ADAMTS6: variants seen among roughly 807,000 people sequenced by gnomAD.
The protein encoded by ADAMTS6 is ADAM metallopeptidase with thrombospondin type 1 motif 6, also known as A disintegrin and metalloproteinase with thrombospondin motifs 6.
Under a neutral mutation model 144.3 loss-of-function variants are expected in ADAMTS6, and 23 were observed. The observed-to-expected ratio is 0.16, with a 90% CI of 0.11 to 0.23. The LOEUF is 0.23. ADAMTS6 is among the 10% of genes least tolerant of loss of function. The pLI is 1.00. For missense variants in ADAMTS6, 999 were observed against 1,379.6 expected, an observed-to-expected ratio of 0.72 and a Z score of 4.37; for synonymous variants, 444 against 457.5, an observed-to-expected ratio of 0.97 and a Z score of 0.38.
At chr5:65,348,655 T>C (rs1190691207) in intron 7 of ADAMTS6, among the ~76,000 whole-genome samples, 4 of 152,134 alleles carry the variant, frequency 2.6e-5, no homozygotes, top group African/African-American at 9.7e-5. Flanking sequence ...TTTAAATGTT[T>C]GTACCACAAA....
intron 12 of ADAMTS6, among the ~76,000 whole-genome samples, chr5:65,264,404 C>T (rs1051008766): frequency 2.6e-5 from 4 of 152,100 alleles, no homozygotes; most frequent in African/African-American, 9.7e-5. Context: ...TCTAGTAATG[C>T]TTTGTTCCCA....
intron 12 of ADAMTS6, among the ~76,000 whole-genome samples, chr5:65,271,486 T>G (rs1762053991): frequency 6.6e-6 from 1 of 152,060 alleles, no homozygotes; most frequent in Non-Finnish European, 1.5e-5. Flanking sequence ...TTTCTAGTTA[T>G]CCCTCAAATT....
chr5:65,407,171 G>A (rs1754592500), intron 7 of ADAMTS6, among the ~76,000 whole-genome samples: 1 of 152,014 alleles, frequency 6.6e-6, no homozygotes, highest in South Asian at 2.1e-4. Context: ...GCAACTCCAA[G>A]ACACAAAATT....
intron 22 of ADAMTS6, among the ~76,000 whole-genome samples, chr5:65,179,331 T>C (rs1056945323): frequency 3.3e-5 from 5 of 152,170 alleles, no homozygotes; most frequent in African/African-American, 1.2e-4. Flanking sequence ...GCCCAGGAAA[T>C]GACCAACCTG....
At chr5:65,435,775 G>T (rs954898673) in intron 7 of ADAMTS6, among the ~76,000 whole-genome samples, 3 of 151,778 alleles carry the variant, frequency 2.0e-5, no homozygotes, top group African/African-American at 7.3e-5. Context: ...ACAGGCACGT[G>T]CCATCACCGT....
At chr5:65,282,590 G>A (rs1454639789) in intron 11 of ADAMTS6, among the ~76,000 whole-genome samples, 1 of 152,002 alleles carries the variant, frequency 6.6e-6, no homozygotes, top group Non-Finnish European at 1.5e-5. Context: ...TTCAACATAT[G>A]CCAAATAAAT....
chr5:65,304,710 C>T lies in ADAMTS6; in HGVS notation c.1224-4579G>A, dbSNP rs530150553. On this transcript the variant is annotated intron_variant, in intron 9 of 24. Coordinates refer to ENST00000381055, the MANE Select transcript of ADAMTS6 (RefSeq NM_197941.4). ...CCTCCCAAAGTGCTGGAATTGCAGG[C>T]GTGAGCCCCCATATCTGGCCTATAT... 9.9e-5 allele frequency among the ~76,000 whole-genome samples: 15 copies of T among 152,136 alleles called. No individual in the cohort carries two copies. In the South Asian group the frequency reaches 2.1e-3, roughly 21 times the overall value.
At chr5:65,405,800 T>C (rs1356116293) in intron 7 of ADAMTS6, among the ~76,000 whole-genome samples, 2 of 152,222 alleles carry the variant, frequency 1.3e-5, no homozygotes, top group South Asian at 2.1e-4. Flanking sequence ...CTTCCATTTG[T>C]TCGTGTCCTC....
At chr5:65,250,716 T>C (rs1376166970) in intron 14 of ADAMTS6, among the ~76,000 whole-genome samples, 4 of 152,152 alleles carry the variant, frequency 2.6e-5, no homozygotes, top group African/African-American at 9.7e-5. Context: ...AATCATATTA[T>C]CAAGTAAACA....
chr5:65,209,520 A>G (rs551429652), intron 20 of ADAMTS6, among the ~76,000 whole-genome samples: 2 of 152,328 alleles, frequency 1.3e-5, no homozygotes, highest in East Asian at 3.9e-4. Flanking sequence ...AGAAAAGACC[A>G]TTACTTGGAC....
chr5:65,457,335 G>C (rs979385568), intron 4 of ADAMTS6, among the ~76,000 whole-genome samples: 1 of 152,118 alleles, frequency 6.6e-6, no homozygotes, highest in Admixed American at 6.6e-5. Flanking sequence ...TAGAGTTTGG[G>C]GTAGTAGAAA....
chr5:65,348,182 A>G (rs145312270), intron 7 of ADAMTS6, among the ~76,000 whole-genome samples: 297 of 152,238 alleles, frequency 2.0e-3, no homozygotes, highest in African/African-American at 6.8e-3. Flanking sequence ...ATCCAAAGTC[A>G]GTATGTCAAG....
At chr5:65,448,748 C>T (rs928586523) in intron 7 of ADAMTS6, among the ~76,000 whole-genome samples, 7 of 151,948 alleles carry the variant, frequency 4.6e-5, no homozygotes, top group African/African-American at 1.5e-4. Flanking sequence ...CCACCGCGCC[C>T]GGCCCTGGCA....
intron 10 of ADAMTS6, among the ~76,000 whole-genome samples, chr5:65,295,533 T>G (rs1742751801): frequency 6.6e-6 from 1 of 152,100 alleles, no homozygotes; most frequent in African/African-American, 2.4e-5. Context: ...AAATGTAGAA[T>G]AGTGTTAGTC....
chr5:65,345,119 G>GT (rs1398413890), intron 7 of ADAMTS6, among the ~76,000 whole-genome samples: 1 of 151,786 alleles, frequency 6.6e-6, no homozygotes, highest in Non-Finnish European at 1.5e-5. Context: ...CTGGAGCATA[G>GT]TAAGTGTTTA....
At chr5:65,435,588 C>A (rs1023870922) in intron 7 of ADAMTS6, among the ~76,000 whole-genome samples, 27 of 151,474 alleles carry the variant, frequency 1.8e-4, no homozygotes, top group Admixed American at 1.7e-3. Flanking sequence ...GAACTCTGCA[C>A]CTTTTTTTTT....
intron 5 of ADAMTS6, 23 bp downstream of exon 5, chr5:65,452,684 T>C: frequency 6.2e-7 from 1 of 1,610,648 alleles, no homozygotes; most frequent in Middle Eastern, 1.7e-4. Context: ...AAGTAAAATA[T>C]TATATAGAGG....
intron 1 of ADAMTS6, among the ~76,000 whole-genome samples, chr5:65,474,519 C>T (rs7704471): frequency 0.17 from 26,363 of 151,910 alleles, 4,608 homozygotes; most frequent in African/African-American, 0.46. Context: ...TGACTTTACT[C>T]GGAAGTCTTA....
intron 2 of ADAMTS6, among the ~76,000 whole-genome samples, chr5:65,473,240 G>A (rs1427680050): frequency 6.6e-6 from 1 of 152,030 alleles, no homozygotes; most frequent in Non-Finnish European, 1.5e-5. Context: ...CAGCATAAAT[G>A]TTTGGATTCT....
Sources: gnomAD v4.1 joint callset for allele counts (sites outside exome capture counted in the v4.1 genomes callset) on GRCh38, gnomAD v4.1.1 for gene constraint, MANE v1.5 for transcripts, NCBI Gene and HGNC (gene_info 2026-07-23, HGNC 2026-07-21) for gene names.